Variants in NT5DC3 observed in about 807,000 individuals in gnomAD.
NT5DC3 encodes 5'-nucleotidase domain containing 3, also known as 5'-nucleotidase domain-containing protein 3.
NT5DC3 carries 42 observed loss-of-function variants against 67.8 expected under a neutral mutation model. The observed-to-expected ratio is 0.62, with a 90% confidence interval of 0.48 to 0.80. The LOEUF (loss-of-function observed/expected upper bound fraction) is 0.80, where lower values mean the gene tolerates loss of function less well. Ranked by LOEUF, NT5DC3 falls within the 30% of genes least tolerant of loss-of-function variation. The pLI is 0.00. For missense variants in NT5DC3, 570 were observed against 696.4 expected (o/e 0.82, Z 2.04); for synonymous variants, 237 against 255.6 (o/e 0.93, Z 0.69).
At chr12:103,779,905 C>A (rs187606619) in intron 13 of NT5DC3, among the ~76,000 whole-genome samples, 1 of 152,252 alleles carries the variant, frequency 6.6e-6, no homozygotes, top group Admixed American at 6.5e-5. Context: ...GTCGTAGGAG[C>A]CCTAAGAATT....
At chr12:103,801,618 T>G (rs1886586656) in intron 4 of NT5DC3, among the ~76,000 whole-genome samples, 1 of 151,946 alleles carries the variant, frequency 6.6e-6, no homozygotes, top group Non-Finnish European at 1.5e-5. Flanking sequence ...CCTGACCTCG[T>G]GATCTACCTG....
intron 12 of NT5DC3, among the ~76,000 whole-genome samples, chr12:103,783,003 C>G (rs971327550): frequency 6.6e-6 from 1 of 152,052 alleles, no homozygotes; most frequent in Admixed American, 6.6e-5. Flanking sequence ...AACAAACAAA[C>G]AAACAAAAAA....
chr12:103,795,159 C>A (rs1362352782), intron 6 of NT5DC3, among the ~76,000 whole-genome samples: 1 of 152,236 alleles, frequency 6.6e-6, no homozygotes, highest in Non-Finnish European at 1.5e-5. Flanking sequence ...GCAAGTCAGA[C>A]TGCCTGGCTT....
chr12:103,778,169 T>C, intron 13 of NT5DC3, 88 bp from the exon 14 acceptor site: 1 of 1,122,360 alleles, frequency 8.9e-7, no homozygotes, highest in South Asian at 2.0e-5. Flanking sequence ...ACTTCTTTTT[T>C]TAAAAAAAAA....
chr12:103,800,156 T>A (rs1566111245), intron 4 of NT5DC3, among the ~76,000 whole-genome samples: 2 of 152,264 alleles, frequency 1.3e-5, no homozygotes, highest in Admixed American at 1.3e-4. Context: ...TGTTTTGATA[T>A]GTAACGTTAA....
chr12:103,767,433 TG>T (rs1257075743), downstream of NT5DC3, among the ~76,000 whole-genome samples: 2 of 152,132 alleles, frequency 1.3e-5, no homozygotes, highest in African/African-American at 2.4e-5. Flanking sequence ...CTAATGGGTA[TG>T]GGGTTTCTTT....
chr12:103,800,455 A>G (rs1033587846), intron 4 of NT5DC3, among the ~76,000 whole-genome samples: 8 of 152,270 alleles, frequency 5.3e-5, no homozygotes, highest in Non-Finnish European at 1.0e-4. Context: ...TGGAGAGAAA[A>G]TATAAAAAGT....
At chr12:103,825,111 A>G (rs537240230) in intron 1 of NT5DC3, among the ~76,000 whole-genome samples, 5 of 152,310 alleles carry the variant, frequency 3.3e-5, no homozygotes, top group African/African-American at 1.2e-4. Context: ...AGTCAGTTTC[A>G]TTGTGTCTGA....
chr12:103,779,152 A>G (rs146919484), intron 13 of NT5DC3, among the ~76,000 whole-genome samples: 1 of 152,240 alleles, frequency 6.6e-6, no homozygotes, highest in Non-Finnish European at 1.5e-5. Flanking sequence ...ATGTGATGTA[A>G]ATCTCCCCCA....
intron 10 of NT5DC3, among the ~76,000 whole-genome samples, chr12:103,788,310 G>T (rs918217506): frequency 1.3e-5 from 2 of 152,322 alleles, no homozygotes; most frequent in South Asian, 2.1e-4. Flanking sequence ...GCTGGGTGTG[G>T]TGGTGCATGC....
At chr12:103,802,814 G>C (rs1046432696) in intron 4 of NT5DC3, among the ~76,000 whole-genome samples, 2 of 152,174 alleles carry the variant, frequency 1.3e-5, no homozygotes, top group African/African-American at 4.8e-5. Context: ...TCAAGGAGCT[G>C]TGTATGGAAG....
chr12:103,755,498 G>A, the NT5DC3 span: 1 of 1,611,192 alleles, frequency 6.2e-7, no homozygotes, highest in Non-Finnish European at 8.5e-7. Context: ...TCAGGTTCTG[G>A]GCCACACAGC....
intron 4 of NT5DC3, among the ~76,000 whole-genome samples, chr12:103,803,138 G>T (rs1053358153): frequency 6.6e-6 from 1 of 152,080 alleles, no homozygotes. Flanking sequence ...TGCCTTCTTC[G>T]TTCTCTCCCC....
chr12:103,796,590 C>T (rs1206105933), intron 6 of NT5DC3, among the ~76,000 whole-genome samples: 2 of 152,198 alleles, frequency 1.3e-5, no homozygotes, highest in African/African-American at 4.8e-5. Flanking sequence ...GGCTGGACTT[C>T]CATCCCCATC....
intron 1 of NT5DC3, among the ~76,000 whole-genome samples, chr12:103,835,238 T>C (rs1446443991): frequency 2.0e-5 from 3 of 152,092 alleles, no homozygotes; most frequent in African/African-American, 7.2e-5. Context: ...GCTGGGCACA[T>C]AAATTCACAC....
At position 103,772,545 on chromosome 12, in the gene NT5DC3, G is replaced by A. The variant is rs1443588823; in HGVS notation, c.*5284C>T. ...ACACAGAAGCACTGTCGCAGGTTGG[G>A]TTCCCCGAAAGCAGATACTGAGGTG... is the stretch of plus-strand genomic sequence containing the variant. On this transcript the variant is annotated 3_prime_UTR_variant, in exon 14 of 14. Transcript: ENST00000392876. 6.6e-6 allele frequency: 1 copy of A among 152,250 alleles called. No homozygotes were observed. The highest frequency in any genetic ancestry group is 1.5e-5 in the Non-Finnish European group (1 of 68,080). The allele number at this position is 152,250 out of a possible 1,614,324, so 9.4% of individuals were successfully genotyped here.
At chr12:103,763,854 G>A in the NT5DC3 span, 1 of 367,384 alleles carries the variant, frequency 2.7e-6, no homozygotes, top group Non-Finnish European at 4.9e-6. Context: ...ACAAGAGGTT[G>A]TTATCCAAGC....
At chr12:103,749,733 G>A in the NT5DC3 span, among the ~76,000 whole-genome samples, 6 of 150,872 alleles carry the variant, frequency 4.0e-5, no homozygotes, top group Admixed American at 4.0e-4. Context: ...CCAGCTACTC[G>A]GGAGGCTGAG....
chr12:103,794,272 C>CTGCCTCCTGGGTTCAAGTGATT (rs1593397572), intron 6 of NT5DC3, among the ~76,000 whole-genome samples: 1 of 152,088 alleles, frequency 6.6e-6, no homozygotes, highest in Non-Finnish European at 1.5e-5. Flanking sequence ...GCCTCAGCCT[C>CTGCCTCCTGGGTTCAAGTGATT]CAGAGTAGTT....
Sources: allele counts gnomAD v4.1 joint callset (sites outside exome capture counted in the v4.1 genomes callset), GRCh38; gene constraint gnomAD v4.1.1; transcripts MANE v1.5; gene names NCBI Gene and HGNC (gene_info 2026-07-23, HGNC 2026-07-21).